The following COX7B2 variants were observed in gnomAD, a reference collection of about 807,000 sequenced individuals.
COX7B2 encodes cytochrome c oxidase subunit 7B2.
For missense variants in COX7B2, 109 were observed against 95.9 expected, an observed-to-expected ratio of 1.14 and a Z score of -0.57; for synonymous variants, 37 against 32.1, an observed-to-expected ratio of 1.15 and a Z score of -0.51.
Position 46,860,476 on chromosome 4 carries a change from C to A in COX7B2, c.-104-15462G>T, listed in dbSNP as rs569897509. ...CCAAGCTTGGGAACCTAGGGGAGAC[C>A]TTCACCAGGGGCCCAAGTTAGAGAC... is the stretch of plus-strand genomic sequence containing the variant. On this transcript the variant is annotated intron_variant, in intron 1 of 2. Coordinates refer to ENST00000355591, the MANE Select transcript of COX7B2 (RefSeq NM_130902.3). 3.5e-3 allele frequency among the ~76,000 whole-genome samples: 532 copies of A among 152,162 alleles called. 4 individuals are homozygous for A. Among genetic ancestry groups the A allele is most frequent in the Non-Finnish European group, 6.1e-3 (417 of 67,996 alleles).
rs370640328 is a variant in COX7B2, at chr4:46,795,119, G to A, written c.-50+49841C>T. Reference sequence around the variant, plus strand: ...TATTAGCCCTTTGTCAGATGAGTAGGTTGCAAAAATTTTCTCCCATGTTGT... The same window carrying A: ...TATTAGCCCTTTGTCAGATGAGTAGATTGCAAAAATTTTCTCCCATGTTGT... On this transcript the variant is annotated intron_variant, in intron 2 of 2. Coordinates refer to ENST00000355591, the MANE Select transcript of COX7B2 (RefSeq NM_130902.3). Among the ~76,000 whole-genome samples the A allele has an allele frequency of 2.3e-4, 31 of 136,650 alleles. No individual in the cohort carries two copies. In the East Asian group the frequency reaches 4.5e-3, roughly 20 times the overall value. The allele number at this position is 136,650 out of a possible 152,430, so 89.6% of individuals were successfully genotyped here. A position where few individuals can be genotyped will look rare whatever the true frequency, so the allele number is the denominator to read the frequency against.
chr4:46,735,339 G>A (rs1714301850), intron 2 of COX7B2, 98 bp from the exon 3 acceptor site: 11 of 860,186 alleles, frequency 1.3e-5, no homozygotes, highest in Middle Eastern at 4.7e-4. Context: ...TGGTGTTCAG[G>A]AATGTGAGTT....
rs150305213 is a variant in COX7B2 at position 46,818,940 on chromosome 4, C to A, written c.-50+26020G>T. On this transcript the variant is annotated intron_variant, in intron 2 of 2. Transcript: ENST00000355591. Reference sequence around the variant, plus strand: ...CTGTAAGTTTTAAGCATAAAAAATTCTTTCTACTTATTACAGTGTATCAGG... The same window carrying A: ...CTGTAAGTTTTAAGCATAAAAAATTATTTCTACTTATTACAGTGTATCAGG... Among the ~76,000 whole-genome samples the A allele has an allele frequency of 5.3e-5, 8 of 152,278 alleles. No homozygotes were observed. In the East Asian group the frequency reaches 1.2e-3, roughly 22 times the overall value.
At chr4:46,894,351 T>G (rs1334113394) in intron 1 of COX7B2, among the ~76,000 whole-genome samples, 2 of 152,072 alleles carry the variant, frequency 1.3e-5, no homozygotes, top group South Asian at 2.1e-4. Flanking sequence ...CTACAATCAT[T>G]TGATCTTTAA....
chr4:46,784,777 A>G (rs1206118260), intron 2 of COX7B2, among the ~76,000 whole-genome samples: 1 of 152,252 alleles, frequency 6.6e-6, no homozygotes, highest in Non-Finnish European at 1.5e-5. Flanking sequence ...TTGTTGTCTT[A>G]TGAATAAGTG....
chr4:46,802,825 A>G (rs1718729431), intron 2 of COX7B2, among the ~76,000 whole-genome samples: 3 of 152,160 alleles, frequency 2.0e-5, no homozygotes, highest in Non-Finnish European at 2.9e-5. Flanking sequence ...TCTGTAATGA[A>G]GTTACTGGAA....
At chr4:46,907,848 CTTTTTT>C (rs35024713) in intron 1 of COX7B2, among the ~76,000 whole-genome samples, 9 of 59,718 alleles carry the variant, frequency 1.5e-4, no homozygotes, top group Non-Finnish European at 2.8e-4. Flanking sequence ...TTTGAGCAGA[CTTTTTT>C]TTTTTTTTTT....
At chr4:46,780,529 CAA>C (rs931954032) in intron 2 of COX7B2, among the ~76,000 whole-genome samples, 4 of 151,990 alleles carry the variant, frequency 2.6e-5, no homozygotes, top group African/African-American at 9.7e-5. Context: ...AAAGAAAAAA[CAA>C]AAAAGTCTAA....
At chr4:46,807,968 C>A (rs776353323) in intron 2 of COX7B2, among the ~76,000 whole-genome samples, 5 of 151,708 alleles carry the variant, frequency 3.3e-5, no homozygotes, top group Non-Finnish European at 7.4e-5. Flanking sequence ...ATGCTACCAA[C>A]TTTGTTTTTC....
intron 2 of COX7B2, among the ~76,000 whole-genome samples, chr4:46,746,408 C>T (rs886147507): frequency 2.0e-5 from 3 of 152,124 alleles, no homozygotes; most frequent in Non-Finnish European, 2.9e-5. Flanking sequence ...AGGTAAGGGA[C>T]CTAAATCTTT....
At chr4:46,736,780 G>C (rs1714391488) in intron 2 of COX7B2, among the ~76,000 whole-genome samples, 1 of 151,904 alleles carries the variant, frequency 6.6e-6, no homozygotes, top group South Asian at 2.1e-4. Context: ...TCTTTTTGTG[G>C]CTCGAGAGTG....
chr4:46,829,101 A>T (rs951549686), intron 2 of COX7B2, among the ~76,000 whole-genome samples: 1 of 152,200 alleles, frequency 6.6e-6, no homozygotes, highest in Non-Finnish European at 1.5e-5. Context: ...AAATGGATAC[A>T]GCATTCCTTG....
chr4:46,769,872 C>G (rs138188789), intron 2 of COX7B2, among the ~76,000 whole-genome samples: 1 of 152,020 alleles, frequency 6.6e-6, no homozygotes. Context: ...ATACAATAAG[C>G]CCACAGCTAA....
At chr4:46,840,381 A>G (rs1265166815) in intron 2 of COX7B2, among the ~76,000 whole-genome samples, 2 of 152,072 alleles carry the variant, frequency 1.3e-5, no homozygotes, top group Admixed American at 6.6e-5. Flanking sequence ...CAACAATAAT[A>G]GGATTCAGCA....
chr4:46,791,445 A>AT (rs2109586586), intron 2 of COX7B2, among the ~76,000 whole-genome samples: 1 of 152,240 alleles, frequency 6.6e-6, no homozygotes, highest in Non-Finnish European at 1.5e-5. Flanking sequence ...TCGCCTTGGT[A>AT]TTTTTCCTTG....
At chr4:46,874,812 T>C (rs1718223763) in intron 1 of COX7B2, among the ~76,000 whole-genome samples, 1 of 152,214 alleles carries the variant, frequency 6.6e-6, no homozygotes, top group Admixed American at 6.5e-5. Context: ...TTTGTAAGAC[T>C]GACACATGCA....
chr4:46,785,288 A>T (rs907046048), intron 2 of COX7B2, among the ~76,000 whole-genome samples: 4 of 152,178 alleles, frequency 2.6e-5, no homozygotes, highest in Admixed American at 6.5e-5. Context: ...AATATTTAAA[A>T]CTAATACAAT....
At chr4:46,885,408 C>T (rs1439712910) in intron 1 of COX7B2, among the ~76,000 whole-genome samples, 5 of 152,038 alleles carry the variant, frequency 3.3e-5, no homozygotes, top group African/African-American at 1.2e-4. Context: ...ATAGCATATA[C>T]ATATATATGT....
intron 1 of COX7B2, among the ~76,000 whole-genome samples, chr4:46,903,515 C>T (rs891746658): frequency 4.6e-5 from 7 of 151,506 alleles, no homozygotes; most frequent in South Asian, 4.2e-4. Flanking sequence ...TTTATAAAGT[C>T]AACAGGAGTA....
Sources: gnomAD v4.1 joint callset for allele counts (sites outside exome capture counted in the v4.1 genomes callset) on GRCh38, gnomAD v4.1.1 for gene constraint, MANE v1.5 for transcripts, NCBI Gene and HGNC (gene_info 2026-07-23, HGNC 2026-07-21) for gene names.